ACSS1: variants seen among roughly 807,000 people sequenced by gnomAD.
The protein encoded by ACSS1 is acetyl-coenzyme A synthetase 2-like, mitochondrial.
ACSS1 carries 42 observed loss-of-function variants against 75.3 expected under a neutral mutation model. The ratio of observed to expected loss-of-function variants is 0.56; its 90% CI spans 0.44 to 0.72. The LOEUF (loss-of-function observed/expected upper bound fraction) is 0.72, where lower values mean the gene tolerates loss of function less well. Ranked by LOEUF, ACSS1 falls within the 30% of genes least tolerant of loss-of-function variation. The pLI is 0.00. For missense variants in ACSS1, 782 were observed against 935.7 expected, an observed-to-expected ratio of 0.84 and a Z score of 2.14; for synonymous variants, 380 against 376.8, an observed-to-expected ratio of 1.01 and a Z score of -0.10.
At chr20:25,047,501 T>C (rs2089114415) in intron 2 of ACSS1, among the ~76,000 whole-genome samples, 1 of 152,188 alleles carries the variant, frequency 6.6e-6, no homozygotes, top group Non-Finnish European at 1.5e-5. Context: ...AGGCACCCAG[T>C]GAAGACTTGC....
Position 25,023,098 on chromosome 20 carries a change from A to G in ACSS1, c.808-6T>C. On this transcript the variant is annotated splice_region_variant and splice_polypyrimidine_tract_variant and intron_variant, in intron 4 of 13. Transcript: ENST00000323482. ...GGGTCCTCCTTGGCCATTTCCTGGC[A>G]GGGAGAAGAAACAAACAGCCCACCG... is the stretch of plus-strand genomic sequence containing the variant. 1 of 1,609,764 alleles carries G rather than the reference A, an allele frequency of 6.2e-7. No individual in the cohort carries two copies. Among genetic ancestry groups the G allele is most frequent in the South Asian group, 1.1e-5 (1 of 90,750 alleles).
At chr20:25,013,245 G>A (rs917443229) in intron 10 of ACSS1, among the ~76,000 whole-genome samples, 6 of 152,194 alleles carry the variant, frequency 3.9e-5, no homozygotes, top group Non-Finnish European at 7.3e-5. Flanking sequence ...ACTCCCAGCC[G>A]TAGCTAACAG....
intron 5 of ACSS1, among the ~76,000 whole-genome samples, 161 bp from the exon 6 acceptor site, chr20:25,021,697 A>C (rs1368036179): frequency 2.0e-5 from 3 of 152,248 alleles, no homozygotes; most frequent in African/African-American, 7.2e-5. Context: ...GGCACACTGC[A>C]GAGTCCGTCT....
rs2179732 is a variant in ACSS1 at position 25,019,810 on chromosome 20, A to G, written c.1246+200T>C. Among the ~76,000 whole-genome samples the G allele has an allele frequency of 2.0e-5, 3 of 152,174 alleles. No homozygotes were observed. In the East Asian group the frequency reaches 5.8e-4, roughly 29 times the overall value. On this transcript the variant is annotated intron_variant, in intron 7 of 13. Transcript: ENST00000323482. ...ATGTCTGGAACGTTGTTCCCCAGAC[A>G]GGTAACTGCTGCCAGCTCTGGGGAG...
At chr20:25,032,377 C>A in intron 2 of ACSS1, 2 of 1,368,660 alleles carry the variant, frequency 1.5e-6, no homozygotes, top group East Asian at 2.8e-5. Flanking sequence ...GCCGGCCATG[C>A]GGTGCGAAGT....
intron 2 of ACSS1, chr20:25,046,973 GC>G: frequency 1.3e-6 from 1 of 775,988 alleles, no homozygotes; most frequent in Admixed American, 1.7e-5. Flanking sequence ...GCTGTGATGG[GC>G]CTGAGGGCTC....
intron 2 of ACSS1, among the ~76,000 whole-genome samples, chr20:25,040,725 A>C (rs1420461832): frequency 6.6e-6 from 1 of 152,172 alleles, no homozygotes; most frequent in Non-Finnish European, 1.5e-5. Context: ...CCCGTTTGAC[A>C]CTAGCCCCAG....
At chr20:25,028,845 A>C (rs1357100798) in intron 3 of ACSS1, among the ~76,000 whole-genome samples, 2 of 152,056 alleles carry the variant, frequency 1.3e-5, no homozygotes, top group Non-Finnish European at 2.9e-5. Context: ...ACTTGAACCC[A>C]GGAGGCGGAG....
intron 3 of ACSS1, among the ~76,000 whole-genome samples, chr20:25,027,086 C>T (rs1359712032): frequency 6.6e-6 from 1 of 152,226 alleles, no homozygotes; most frequent in African/African-American, 2.4e-5. Context: ...GTGTTCAACT[C>T]CTGGCTCTGT....
intron 6 of ACSS1, 34 bp from the exon 7 acceptor site, chr20:25,020,181 G>A (rs773496931): frequency 6.2e-7 from 1 of 1,613,104 alleles, no homozygotes; most frequent in South Asian, 1.1e-5. Flanking sequence ...GTCAGCAGGA[G>A]AGCTGACATG....
intron 3 of ACSS1, among the ~76,000 whole-genome samples, chr20:25,027,374 A>G (rs1179067154): frequency 6.6e-6 from 1 of 152,220 alleles, no homozygotes; most frequent in Non-Finnish European, 1.5e-5. Flanking sequence ...CATATAAACA[A>G]TGATACAAAA....
intron 7 of ACSS1, among the ~76,000 whole-genome samples, chr20:25,016,244 C>T (rs888810619): frequency 6.6e-6 from 1 of 152,130 alleles, no homozygotes; most frequent in African/African-American, 2.4e-5. Flanking sequence ...ATGCAGGCCA[C>T]ACTGTGGTCA....
intron 3 of ACSS1, among the ~76,000 whole-genome samples, chr20:25,024,125 C>T (rs141016457): frequency 6.6e-6 from 1 of 152,140 alleles, no homozygotes; most frequent in African/African-American, 2.4e-5. Flanking sequence ...GGGCCAAGAG[C>T]CTTCACTGTC....
At chr20:25,020,223 TTCC>T in intron 6 of ACSS1, 76 bp from the exon 7 acceptor site, 5 of 1,595,740 alleles carry the variant, frequency 3.1e-6, no homozygotes, top group Non-Finnish European at 4.3e-6. Context: ...CAGCCAAGAC[TTCC>T]TGAGTGCTGG....
chr20:25,049,462 C>T (rs1276440773), intron 1 of ACSS1, among the ~76,000 whole-genome samples: 1 of 152,214 alleles, frequency 6.6e-6, no homozygotes, highest in Admixed American at 6.5e-5. Context: ...AGGCCCCACA[C>T]TGAACACTGA....
chr20:25,035,519 C>T (rs1185106285), intron 2 of ACSS1, among the ~76,000 whole-genome samples: 10 of 152,034 alleles, frequency 6.6e-5, no homozygotes, highest in Admixed American at 3.9e-4. Flanking sequence ...GATTCTCCTG[C>T]CTCAGCCTCC....
chr20:25,054,038 T>C (rs991531756), intron 1 of ACSS1, among the ~76,000 whole-genome samples: 2 of 152,250 alleles, frequency 1.3e-5, no homozygotes, highest in African/African-American at 4.8e-5. Context: ...TTTTAGAACC[T>C]GGCTCTCCAA....
chr20:25,056,887 A>T (rs1247151600), intron 1 of ACSS1, among the ~76,000 whole-genome samples: 2 of 151,810 alleles, frequency 1.3e-5, no homozygotes, highest in African/African-American at 4.8e-5. Context: ...CCCACCTCGC[A>T]CTTGGCACCC....
Position 25,058,109 on chromosome 20 carries a change from A to G in ACSS1, c.-7T>C, listed in dbSNP as rs908328341. The G allele has an allele frequency of 8.0e-6, 10 of 1,245,552 alleles. No homozygotes were observed. Among genetic ancestry groups the G allele is most frequent in the Non-Finnish European group, 9.0e-6 (9 of 997,026 alleles). 77.2% of individuals were successfully genotyped at this position (1,245,552 alleles called of 1,614,324 possible). On this transcript the variant is annotated 5_prime_UTR_variant, in exon 1 of 14. Coordinates refer to ENST00000323482, the MANE Select transcript of ACSS1 (RefSeq NM_032501.4). ...CCAGGGTGCGCGCCGCCATCTAGGC[A>G]GGCTACCTGAGCTCTCTGTGCTCCC... is the stretch of plus-strand genomic sequence containing the variant.
Sources: gnomAD v4.1 joint callset for allele counts (sites outside exome capture counted in the v4.1 genomes callset) on GRCh38, gnomAD v4.1.1 for gene constraint, MANE v1.5 for transcripts, NCBI Gene and HGNC (gene_info 2026-07-23, HGNC 2026-07-21) for gene names.